The following PFN2 variants were observed in gnomAD, a reference collection of about 807,000 sequenced individuals.
The protein encoded by PFN2 is profilin-2.
In PFN2, 8 loss-of-function variants were observed where a neutral mutation model predicts 15.3. That is an observed-to-expected ratio of 0.52 (90% CI 0.31 to 0.95). PFN2 has a LOEUF of 0.95. PFN2 is among the 40% of genes least tolerant of loss of function. The probability of loss-of-function intolerance (pLI) is 0.05; values close to 1 mark genes in which losing one functional copy is unlikely to be tolerated. For synonymous variants in PFN2, 79 were observed against 67.9 expected (o/e 1.16, Z -0.81); for missense variants, 111 against 182.3 (o/e 0.61, Z 2.25).
Position 149,965,005 on chromosome 3 carries a change from C to A in PFN2, c.*1484G>T. Reference sequence around the variant, plus strand: ...TAAATCAGATGAGTTAGACTGTATCCCAGATGTAACAAAGTGCAGGGAAAG... The same window carrying A: ...TAAATCAGATGAGTTAGACTGTATCACAGATGTAACAAAGTGCAGGGAAAG... On this transcript the variant is annotated 3_prime_UTR_variant, in exon 3 of 3. Transcript: ENST00000239940. 4.0e-6 allele frequency: 2 copies of A among 505,482 alleles called. No homozygotes were observed. The highest frequency in any genetic ancestry group is 6.9e-6 in the Non-Finnish European group (2 of 288,950). The allele number at this position is 505,482 out of a possible 1,614,324, so 31.3% of individuals were successfully genotyped here. A position where few individuals can be genotyped will look rare whatever the true frequency, so the allele number is the denominator to read the frequency against.
chr3:149,968,321 T>TAATAA, intron 2 of PFN2, 37 bp downstream of exon 2: 1 of 1,541,374 alleles, frequency 6.5e-7, no homozygotes, highest in Non-Finnish European at 9.0e-7. Context: ...AGTTGTAATG[T>TAATAA]GGCATGCAAC....
intron 1 of PFN2, among the ~76,000 whole-genome samples, chr3:149,969,882 G>A (rs140923205): frequency 7.2e-4 from 109 of 152,266 alleles, no homozygotes; most frequent in African/African-American, 2.6e-3. Flanking sequence ...CCACTAAAGA[G>A]GGAGGGACTT....
chr3:149,970,026 G>A (rs1722804918), intron 1 of PFN2, among the ~76,000 whole-genome samples: 1 of 151,470 alleles, frequency 6.6e-6, no homozygotes, highest in Admixed American at 6.6e-5. Context: ...GAAATCAATG[G>A]CAGTTCGCCA....
At chr3:149,968,236 G>A in intron 2 of PFN2, 122 bp downstream of exon 2, 1 of 794,388 alleles carries the variant, frequency 1.3e-6, no homozygotes, top group Non-Finnish European at 2.1e-6. Flanking sequence ...ATAGTGCTGG[G>A]CAGTTCACAA....
Position 149,970,891 on chromosome 3 carries a change from G to A in PFN2, c.-35C>T, listed in dbSNP as rs926349029. ...CTTCGCACTGCAGCGCGGACGGCGA[G>A]GAGCAGCAGGCGCAGCGGCGGCGGC... is the stretch of plus-strand genomic sequence containing the variant. On this transcript the variant is annotated 5_prime_UTR_variant, in exon 1 of 3. Coordinates refer to ENST00000239940, the MANE Select transcript of PFN2 (RefSeq NM_053024.4). The A allele has an allele frequency of 1.2e-5, 16 of 1,291,432 alleles. No individual in the cohort carries two copies. The highest frequency in any genetic ancestry group is 3.4e-5 in the East Asian group (1 of 29,448). The allele number at this position is 1,291,432 out of a possible 1,614,324, so 80.0% of individuals were successfully genotyped here.
At chr3:149,966,913 A>G (rs1270195578) in intron 2 of PFN2, among the ~76,000 whole-genome samples, 1 of 152,056 alleles carries the variant, frequency 6.6e-6, no homozygotes, top group Non-Finnish European at 1.5e-5. Context: ...TGTCAAGTAC[A>G]TGTTATTACT....
In PFN2 at chr3:149,966,417, T is replaced by C; in HGVS notation, c.*72A>G. 2 of 1,598,142 alleles carry C rather than the reference T, an allele frequency of 1.3e-6. No individual in the cohort carries two copies. The highest frequency in any genetic ancestry group is 1.1e-5 in the South Asian group (1 of 87,962). ...TGCATTGCTAATAAAATTTCCAGAATTAAGACTTAAGCTTATAGCTAGGAA... is the reference window on the plus strand; with the variant it reads ...TGCATTGCTAATAAAATTTCCAGAACTAAGACTTAAGCTTATAGCTAGGAA... On this transcript the variant is annotated 3_prime_UTR_variant, in exon 3 of 3. Coordinates refer to ENST00000239940, the MANE Select transcript of PFN2 (RefSeq NM_053024.4).
Position 149,970,803 on chromosome 3 carries a change from C to T in PFN2, c.54G>A (p.Gln18=). The T allele has an allele frequency of 6.6e-7, 1 of 1,512,812 alleles. No homozygotes were observed. The highest frequency in any genetic ancestry group is 8.9e-7 in the Non-Finnish European group (1 of 1,127,256). The allele number at this position is 1,512,812 out of a possible 1,614,324, so 93.7% of individuals were successfully genotyped here. Residue 18 remains glutamine (Q), a synonymous_variant, in exon 1 of 3, where the codon CAG becomes CAA. Transcript: ENST00000239940. ...VDNLMCDGCC[Q]EAAIVGYCDA... is the part of the protein sequence containing the mutation. ...CGCAGTAGCCGACAATGGCGGCCTCCTGGCAGCAGCCATCGCACATCAGGT... is the reference window on the plus strand; with the variant it reads ...CGCAGTAGCCGACAATGGCGGCCTCTTGGCAGCAGCCATCGCACATCAGGT...
intron 2 of PFN2, among the ~76,000 whole-genome samples, chr3:149,967,438 C>A (rs1381692029): frequency 6.6e-6 from 1 of 152,138 alleles, no homozygotes; most frequent in Admixed American, 6.5e-5. Context: ...TCAACTCACA[C>A]CAGAATACGA....
In PFN2 at chr3:149,966,022, T is replaced by A; in HGVS notation, c.*467A>T. ...GGTTGGTTACATACAGTGGTTAACA[T>A]ACAAATGATCCATTGGGCAAACAGG... On this transcript the variant is annotated 3_prime_UTR_variant, in exon 3 of 3. Coordinates refer to ENST00000239940, the MANE Select transcript of PFN2 (RefSeq NM_053024.4). 3 of 1,475,930 alleles carry A rather than the reference T, an allele frequency of 2.0e-6. No individual in the cohort carries two copies. Among genetic ancestry groups the A allele is most frequent in the Non-Finnish European group, 2.7e-6 (3 of 1,118,474 alleles). 91.4% of individuals were successfully genotyped at this position (1,475,930 alleles called of 1,614,324 possible).
chr3:149,968,469 A>G lies in PFN2; in HGVS notation c.214T>C (p.Ser72Pro). The G allele has an allele frequency of 6.2e-7, 1 of 1,613,972 alleles. No individual in the cohort carries two copies. The highest frequency in any genetic ancestry group is 8.5e-7 in the Non-Finnish European group (1 of 1,179,966). ...ACGTATAGACTATCTCTGATCACTG[A>G]GCATTTCTTCGCGCCAAGAGTCAAA... ...NGLTLGAKKC[S>P]VIRDSLYVDG... The change falls in exon 2 of 3, where the codon TCA becomes CCA. Residue 72 changes from serine (S) to proline (P), a missense_variant. Ser to Pro is a moderately conservative substitution (Grantham distance 74, BLOSUM62 -1). Coordinates refer to ENST00000239940, the MANE Select transcript of PFN2 (RefSeq NM_053024.4).
rs527792870 is a variant in PFN2 at position 149,968,719 on chromosome 3, A to G, written c.133-169T>C. ...AAGATTCAGTCTTTTCTAAATAATT[A>G]TTTAATCCTATATAATCACATATTT... On this transcript the variant is annotated intron_variant, in intron 1 of 2. Transcript: ENST00000239940. The G allele has an allele frequency of 1.1e-4, 67 of 589,418 alleles. No individual in the cohort carries two copies. The South Asian group carries it at 1.4e-3, about 13-fold the overall frequency. 36.5% of individuals were successfully genotyped at this position (589,418 alleles called of 1,614,324 possible).
In PFN2 at chr3:149,966,328, G is replaced by A; in HGVS notation, c.*161C>T. 6.2e-7 allele frequency: 1 copy of A among 1,601,316 alleles called. No individual in the cohort carries two copies. The highest frequency in any genetic ancestry group is 8.5e-7 in the Non-Finnish European group (1 of 1,174,366). On this transcript the variant is annotated 3_prime_UTR_variant, in exon 3 of 3. Transcript: ENST00000239940. Reference sequence around the variant, plus strand: ...TTATTTTGGGGGGGGAGGGCAGAAAGAAAGACACCTTTCCCCACCAACAGA... The same window carrying A: ...TTATTTTGGGGGGGGAGGGCAGAAAAAAAGACACCTTTCCCCACCAACAGA...
chr3:149,966,086 AC>A lies in PFN2; in HGVS notation c.*402del, dbSNP rs774840644. On this transcript the variant is annotated 3_prime_UTR_variant, in exon 3 of 3. Transcript: ENST00000239940. ...GAAAATAGGTAAAGAAAAATTAGCT[AC>A]CATCTACAGTTTGGTAGCATTGTGA... The A allele has an allele frequency of 6.5e-6, 10 of 1,542,060 alleles. No individual in the cohort carries two copies. Among genetic ancestry groups the A allele is most frequent in the Non-Finnish European group, 8.7e-6 (10 of 1,148,514 alleles).
chr3:149,965,397 G>A lies in PFN2; in HGVS notation c.*1092C>T. On this transcript the variant is annotated 3_prime_UTR_variant, in exon 3 of 3. Transcript: ENST00000239940. ...TACAATTTTACTAAAGAGTAGAGCT[G>A]GTGTGCAAAGAAAAAGGAAGAAAAA... 1 of 1,456,086 alleles carries A rather than the reference G, an allele frequency of 6.9e-7. No individual in the cohort carries two copies. Among genetic ancestry groups the A allele is most frequent in the Non-Finnish European group, 9.0e-7 (1 of 1,113,618 alleles). The allele number at this position is 1,456,086 out of a possible 1,614,324, so 90.2% of individuals were successfully genotyped here.
Position 149,965,312 on chromosome 3 carries a change from A to G in PFN2, c.*1177T>C, listed in dbSNP as rs1317804048. Reference sequence around the variant, plus strand: ...AATAAAAATTGGTCCTATGAAGAACAAACTGGACACACTCCAGATGGTTAT... The same window carrying G: ...AATAAAAATTGGTCCTATGAAGAACGAACTGGACACACTCCAGATGGTTAT... On this transcript the variant is annotated 3_prime_UTR_variant, in exon 3 of 3. Coordinates refer to ENST00000239940, the MANE Select transcript of PFN2 (RefSeq NM_053024.4). The G allele has an allele frequency of 6.5e-7, 1 of 1,534,368 alleles. No individual in the cohort carries two copies. The highest frequency in any genetic ancestry group is 8.7e-7 in the Non-Finnish European group (1 of 1,146,142).
chr3:149,970,211 G>C (rs371198058), intron 1 of PFN2: 1 of 152,224 alleles, frequency 6.6e-6, no homozygotes, highest in Non-Finnish European at 1.5e-5. Flanking sequence ...CGGGGCCGCC[G>C]CCTCCCACAG....
chr3:149,966,801 C>A (rs1342286893), intron 2 of PFN2, among the ~76,000 whole-genome samples: 1 of 151,322 alleles, frequency 6.6e-6, no homozygotes, highest in Non-Finnish European at 1.5e-5. Context: ...GGAAGCCAAT[C>A]AATGCAAGCA....
Position 149,965,240 on chromosome 3 carries a change from C to T in PFN2, c.*1249G>A. The T allele has an allele frequency of 6.5e-7, 1 of 1,533,882 alleles. No individual in the cohort carries two copies. The highest frequency in any genetic ancestry group is 8.7e-7 in the Non-Finnish European group (1 of 1,146,090). On this transcript the variant is annotated 3_prime_UTR_variant, in exon 3 of 3. Coordinates refer to ENST00000239940, the MANE Select transcript of PFN2 (RefSeq NM_053024.4). ...CATATGAAAAAAATTCATCACAAGACAGCCAAGTCCACAATAATGCAACTT... is the reference window on the plus strand; with the variant it reads ...CATATGAAAAAAATTCATCACAAGATAGCCAAGTCCACAATAATGCAACTT...
Sources: allele counts gnomAD v4.1 joint callset (sites outside exome capture counted in the v4.1 genomes callset), GRCh38; gene constraint gnomAD v4.1.1; transcripts MANE v1.5; gene names NCBI Gene and HGNC (gene_info 2026-07-23, HGNC 2026-07-21).